Variants in KIRREL3 observed in about 807,000 individuals in gnomAD.
The protein encoded by KIRREL3 is kirre like nephrin family adhesion molecule 3.
KIRREL3 carries 36 observed loss-of-function variants against 89.7 expected under a neutral mutation model. The observed-to-expected ratio is 0.40, with a 90% confidence interval of 0.31 to 0.53. The LOEUF (loss-of-function observed/expected upper bound fraction) is 0.53, where lower values mean the gene tolerates loss of function less well. Among genes scored for constraint, KIRREL3 ranks in the 20% least tolerant of loss-of-function variants. KIRREL3 has a pLI of 0.49. For missense variants in KIRREL3, 864 were observed against 1,056.6 expected, an observed-to-expected ratio of 0.82 and a Z score of 2.53; for synonymous variants, 445 against 441.4, an observed-to-expected ratio of 1.01 and a Z score of -0.10.
In KIRREL3 at chr11:126,459,034, G is replaced by A. The variant is rs988773732; in HGVS notation, c.743-2580C>T. ...AGCCTGCATCTCGCCGTGGGTTGGA[G>A]AAGTGGAGGTGGGGCAGAGGAGCTT... On this transcript the variant is annotated intron_variant, in intron 6 of 16. Transcript: ENST00000525144. The surrounding 1 kb of genome is among the most constrained non-coding windows in gnomAD (Gnocchi z 4.8). Among the ~76,000 whole-genome samples, 4 of 152,186 alleles carry A rather than the reference G, an allele frequency of 2.6e-5. No homozygotes were observed. The South Asian group carries it at 6.2e-4, about 24-fold the overall frequency.
chr11:126,619,097 G>A (rs192701081), intron 1 of KIRREL3, among the ~76,000 whole-genome samples: 159 of 152,320 alleles, frequency 1.0e-3, no homozygotes, highest in Non-Finnish European at 1.7e-3. Flanking sequence ...ATGAGACAGC[G>A]GTCTAGAGGG....
chr11:126,917,437 T>C lies in KIRREL3; in HGVS notation c.55+83018A>G, dbSNP rs1229122440. Among the ~76,000 whole-genome samples the C allele has an allele frequency of 1.3e-5, 2 of 152,104 alleles. No individual in the cohort carries two copies. The highest frequency in any genetic ancestry group is 2.9e-5 in the Non-Finnish European group (2 of 68,014). On this transcript the variant is annotated intron_variant, in intron 1 of 16. Transcript: ENST00000525144. The surrounding 1 kb of genome is among the most constrained non-coding windows in gnomAD (Gnocchi z 5.0). ...TGCCACTAAACCGTATACTTAAAAG[T>C]GGTTAAAATGTCAAATTTCATGTTG...
Position 126,689,686 on chromosome 11 carries a change from T to A in KIRREL3, c.56-126774A>T, listed in dbSNP as rs982013111. ...GCAAGGGCCTGGCTTTTACGCAGTTTCGCTTCAAGTCAGTGCAACTAGCTA... is the reference window on the plus strand; with the variant it reads ...GCAAGGGCCTGGCTTTTACGCAGTTACGCTTCAAGTCAGTGCAACTAGCTA... On this transcript the variant is annotated intron_variant, in intron 1 of 16. Transcript: ENST00000525144. The surrounding 1 kb of genome is among the most constrained non-coding windows in gnomAD (Gnocchi z 5.2). Among the ~76,000 whole-genome samples, 4 of 152,252 alleles carry A rather than the reference T, an allele frequency of 2.6e-5. No individual in the cohort carries two copies. Among genetic ancestry groups the A allele is most frequent in the African/African-American group, 9.6e-5 (4 of 41,468 alleles).
rs1939183064 is a variant in KIRREL3 at position 126,550,652 on chromosome 11, C to T, written c.133+12183G>A. On this transcript the variant is annotated intron_variant, in intron 2 of 16. Transcript: ENST00000525144. This position sits in a 1 kb window ranked among gnomAD's most constrained non-coding sequence, Gnocchi z 4.9. ...AACAAGAGCGAAACTCCGTCTCTGT[C>T]TCGAGAGAAAAAAAAAAAAAGAATA... The T allele has an allele frequency of 6.7e-6, 1 of 150,076 alleles. No homozygotes were observed. The highest frequency in any genetic ancestry group is 1.9e-4 in the East Asian group (1 of 5,148). The allele number at this position is 150,076 out of a possible 1,614,324, so 9.3% of individuals were successfully genotyped here.
In KIRREL3 at chr11:126,791,801, G is replaced by T. The variant is rs1030582097; in HGVS notation, c.55+208654C>A. On this transcript the variant is annotated intron_variant, in intron 1 of 16. Coordinates refer to ENST00000525144, the MANE Select transcript of KIRREL3 (RefSeq NM_032531.4). The surrounding 1 kb of genome is among the most constrained non-coding windows in gnomAD (Gnocchi z 4.8). ...TTCCTTTGCTTGTAGACACCTTTTAGCAGGTGGAGGGACAGTTGTGGGGCT... is the reference window on the plus strand; with the variant it reads ...TTCCTTTGCTTGTAGACACCTTTTATCAGGTGGAGGGACAGTTGTGGGGCT... 6.6e-6 allele frequency among the ~76,000 whole-genome samples: 1 copy of T among 152,198 alleles called. No individual in the cohort carries two copies. The highest frequency in any genetic ancestry group is 2.4e-5 in the African/African-American group (1 of 41,456).
rs1225022262 is a variant in KIRREL3, at chr11:126,940,308, T to C, written c.55+60147A>G. 1 of 152,228 alleles carries C rather than the reference T, an allele frequency of 6.6e-6. No individual in the cohort carries two copies. The highest frequency in any genetic ancestry group is 2.4e-5 in the African/African-American group (1 of 41,444). The allele number at this position is 152,228 out of a possible 1,614,324, so 9.4% of individuals were successfully genotyped here. A position where few individuals can be genotyped will look rare whatever the true frequency, so the allele number is the denominator to read the frequency against. ...TTCTAGATTGGAAAAACAATAGTTG[T>C]TTCTTTTTTCTTTTATTTCAGCAGG... On this transcript the variant is annotated intron_variant, in intron 1 of 16. Transcript: ENST00000525144. This position sits in a 1 kb window ranked among gnomAD's most constrained non-coding sequence, Gnocchi z 4.6.
rs926172870 is a variant in KIRREL3, at chr11:126,860,560, C to T, written c.55+139895G>A. 2.6e-5 allele frequency among the ~76,000 whole-genome samples: 4 copies of T among 152,062 alleles called. No homozygotes were observed. The highest frequency in any genetic ancestry group is 4.4e-5 in the Non-Finnish European group (3 of 68,026). On this transcript the variant is annotated intron_variant, in intron 1 of 16. Transcript: ENST00000525144. The surrounding 1 kb of genome is among the most constrained non-coding windows in gnomAD (Gnocchi z 4.6). ...CTGGGTGTGGCCAGGCAGCAGGCGG[C>T]GTGGAGGCAGAGGGGCCAGGCAGCC... is the stretch of plus-strand genomic sequence containing the variant.
chr11:126,818,546 T>C (rs1046854142), intron 1 of KIRREL3, among the ~76,000 whole-genome samples: 4 of 152,146 alleles, frequency 2.6e-5, no homozygotes, highest in African/African-American at 9.7e-5. Context: ...ACTATAGAGT[T>C]TCAATAAAAT....
intron 1 of KIRREL3, among the ~76,000 whole-genome samples, chr11:126,667,724 G>T (rs1037118572): frequency 6.6e-6 from 1 of 152,138 alleles, no homozygotes; most frequent in Non-Finnish European, 1.5e-5. Context: ...GATATTTACA[G>T]CTTCCATTTT....
At position 126,744,034 on chromosome 11, in the gene KIRREL3, C is replaced by A. The variant is rs1949063468; in HGVS notation, c.56-181122G>T. Among the ~76,000 whole-genome samples, 1 of 152,244 alleles carries A rather than the reference C, an allele frequency of 6.6e-6. No homozygotes were observed. Among genetic ancestry groups the A allele is most frequent in the Non-Finnish European group, 1.5e-5 (1 of 68,028 alleles). ...ATTAGATTTGGGCCTTAGCAATGGG[C>A]AGAATTTTGATAAGCAGAAAAGAAG... On this transcript the variant is annotated intron_variant, in intron 1 of 16. Transcript: ENST00000525144. The surrounding 1 kb of genome is among the most constrained non-coding windows in gnomAD (Gnocchi z 4.7).
rs910447861 is a variant in KIRREL3 at position 126,814,063 on chromosome 11, GA to G, written c.55+186391del. 6.0e-5 allele frequency among the ~76,000 whole-genome samples: 9 copies of G among 149,568 alleles called. No homozygotes were observed. In the East Asian group the frequency reaches 9.8e-4, roughly 16 times the overall value. On this transcript the variant is annotated intron_variant, in intron 1 of 16. Coordinates refer to ENST00000525144, the MANE Select transcript of KIRREL3 (RefSeq NM_032531.4). The surrounding 1 kb of genome is among the most constrained non-coding windows in gnomAD (Gnocchi z 4.4). ...GTCTACAAGGAACTTAAATTTACAAGAAAAAAAAACCCGGTTAAAAAGTTGG... is the reference window on the plus strand; with the variant it reads ...GTCTACAAGGAACTTAAATTTACAAGAAAAAAAACCCGGTTAAAAAGTTGG...
chr11:126,595,536 A>T (rs1017866492), intron 1 of KIRREL3, among the ~76,000 whole-genome samples: 1 of 152,206 alleles, frequency 6.6e-6, no homozygotes, highest in African/African-American at 2.4e-5. Context: ...TACCTGAATT[A>T]TCTCATTTAA....
rs1350905534 is a variant in KIRREL3 at position 126,436,971 on chromosome 11, T to C, written c.1392A>G (p.Thr464=). ...TGGTCTCCACCGTATAGCGCCCCGA[T>C]GTGCCCGACTCCAGAACGTTCTCCT... ...SWKENVLESG[T]SGRYTVETIS... Residue 464 remains threonine (T), a synonymous_variant, in exon 12 of 17, where the codon ACA becomes ACG. Transcript: ENST00000525144. 6.3e-7 allele frequency: 1 copy of C among 1,583,354 alleles called. No individual in the cohort carries two copies. The highest frequency in any genetic ancestry group is 8.6e-7 in the Non-Finnish European group (1 of 1,160,330).
intron 1 of KIRREL3, among the ~76,000 whole-genome samples, chr11:126,863,472 TGAG>T (rs1944792764): frequency 1.3e-5 from 1 of 76,480 alleles, no homozygotes; most frequent in Admixed American, 1.6e-4. Context: ...CGTGTGTGTG[TGAG>T]TGCGTGTGTG....
At chr11:126,878,682 T>C (rs181792712) in intron 1 of KIRREL3, among the ~76,000 whole-genome samples, 28 of 152,050 alleles carry the variant, frequency 1.8e-4, no homozygotes, top group Non-Finnish European at 3.4e-4. Context: ...GACCTAGTAA[T>C]TTGAGGCACA....
chr11:126,927,097 G>A (rs1473511499), intron 1 of KIRREL3, among the ~76,000 whole-genome samples: 2 of 152,190 alleles, frequency 1.3e-5, no homozygotes, highest in Non-Finnish European at 2.9e-5. Flanking sequence ...CCAGTCACTG[G>A]CCAAATTAGC....
chr11:126,943,760 AT>A lies in KIRREL3; in HGVS notation c.55+56694del, dbSNP rs1948531868. On this transcript the variant is annotated intron_variant, in intron 1 of 16. Transcript: ENST00000525144. The surrounding 1 kb of genome is among the most constrained non-coding windows in gnomAD (Gnocchi z 4.2). ...CCTATAGTGAAAGGAAGGCTGCCAC[AT>A]TTCCCTATGCCCCCTGAGTTTTAGA... Among the ~76,000 whole-genome samples, 1 of 152,184 alleles carries A rather than the reference AT, an allele frequency of 6.6e-6. No individual in the cohort carries two copies. Among genetic ancestry groups the A allele is most frequent in the Admixed American group, 6.5e-5 (1 of 15,282 alleles).
At chr11:126,504,770 T>A (rs1217474263) in intron 4 of KIRREL3, among the ~76,000 whole-genome samples, 1 of 152,192 alleles carries the variant, frequency 6.6e-6, no homozygotes, top group Non-Finnish European at 1.5e-5. Flanking sequence ...ATTAGCAAAC[T>A]GAATCCAGCA....
At chr11:126,925,503 C>G (rs548006949) in intron 1 of KIRREL3, among the ~76,000 whole-genome samples, 19 of 152,180 alleles carry the variant, frequency 1.2e-4, no homozygotes, top group Non-Finnish European at 2.6e-4. Flanking sequence ...CTGTCAGGTT[C>G]GAGCTGAGCT....
Sources: gnomAD v4.1 joint callset for allele counts (sites outside exome capture counted in the v4.1 genomes callset) on GRCh38, gnomAD v4.1.1 for gene constraint, Gnocchi (gnomAD v3.1) non-coding constraint, MANE v1.5 for transcripts, NCBI Gene and HGNC (gene_info 2026-07-23, HGNC 2026-07-21) for gene names.